The following LRP1B variants were observed in gnomAD, a reference collection of about 807,000 sequenced individuals.
LRP1B encodes LDL receptor related protein 1B.
A neutral mutation model predicts 556.6 loss-of-function variants in LRP1B; 217 were observed. That is an observed-to-expected ratio of 0.39 (90% CI 0.35 to 0.44). LRP1B has a LOEUF of 0.44. Among genes scored for constraint, LRP1B ranks in the 20% least tolerant of loss-of-function variants. The pLI is 1.00. For missense variants in LRP1B, 5,053 were observed against 5,620.8 expected (o/e 0.90, Z 3.23); for synonymous variants, 2,047 against 1,865.8 (o/e 1.10, Z -2.50).
At chr2:140,744,000 T>TAAAAAAAAA (rs1559090792) in intron 35 of LRP1B, among the ~76,000 whole-genome samples, 3 of 46,140 alleles carry the variant, frequency 6.5e-5, no homozygotes, top group Admixed American at 2.2e-4. Flanking sequence ...AAGTAAAAAG[T>TAAAAAAAAA]AAAATCCATA....
chr2:140,577,007 A>G (rs1207355166), intron 43 of LRP1B, among the ~76,000 whole-genome samples: 2 of 152,038 alleles, frequency 1.3e-5, no homozygotes, highest in African/African-American at 4.8e-5. Flanking sequence ...TTTGAATTCT[A>G]TCCCAGTGCA....
At chr2:141,070,830 C>A (rs1330115547) in intron 7 of LRP1B, among the ~76,000 whole-genome samples, 1 of 151,954 alleles carries the variant, frequency 6.6e-6, no homozygotes, top group African/African-American at 2.4e-5. Flanking sequence ...CTGAATAGAC[C>A]AATAACAGGC....
chr2:140,280,539 A>G (rs1553438534), intron 84 of LRP1B, among the ~76,000 whole-genome samples: 1 of 151,816 alleles, frequency 6.6e-6, no homozygotes, highest in Non-Finnish European at 1.5e-5. Context: ...TGCTGTGGAC[A>G]TGTATGTGCC....
rs971369579 is a variant in LRP1B at position 140,883,961 on chromosome 2, A to G, written c.4025T>C (p.Val1342Ala). 3 of 1,613,274 alleles carry G rather than the reference A, an allele frequency of 1.9e-6. No individual in the cohort carries two copies. In the Admixed American group the frequency reaches 5.0e-5, roughly 27 times the overall value. The change falls in exon 25 of 91, where the codon GTC becomes GCC. Residue 1342 changes from valine to alanine, a missense_variant. Physicochemically the swap from Val to Ala is moderately conservative, Grantham distance 64. Transcript: ENST00000389484. The part of the protein sequence containing the change: ...HGLATPEGLT[V>A]DWIAGNIYWI... ...GTATATGTTTCCTGCTATCCAGTCG[A>G]CTGTCAGGCCTTCTGGAGTAGCCAG...
intron 37 of LRP1B, among the ~76,000 whole-genome samples, chr2:140,713,058 T>C (rs1273365073): frequency 1.3e-5 from 2 of 152,082 alleles, no homozygotes; most frequent in Non-Finnish European, 2.9e-5. Context: ...TCGTACACTA[T>C]CGCAGCTTAT....
At chr2:141,204,196 T>C (rs890104318) in intron 6 of LRP1B, among the ~76,000 whole-genome samples, 4 of 152,190 alleles carry the variant, frequency 2.6e-5, no homozygotes, top group Non-Finnish European at 4.4e-5. Context: ...GGTCATAAAA[T>C]GGCACAAGTT....
intron 41 of LRP1B, among the ~76,000 whole-genome samples, chr2:140,629,374 A>C (rs557247977): frequency 6.6e-6 from 1 of 152,020 alleles, no homozygotes; most frequent in Non-Finnish European, 1.5e-5. Context: ...GGCATCATGT[A>C]GTTATTTATA....
chr2:141,074,727 G>T (rs1026879938), intron 7 of LRP1B, among the ~76,000 whole-genome samples: 29 of 151,360 alleles, frequency 1.9e-4, no homozygotes, highest in Admixed American at 9.2e-4. Context: ...CAGACTTGAA[G>T]TTAGGTTAAA....
chr2:140,309,206 A>G (rs964024401), intron 83 of LRP1B, among the ~76,000 whole-genome samples: 19 of 151,816 alleles, frequency 1.3e-4, no homozygotes, highest in Non-Finnish European at 2.7e-4. Context: ...AAAAGATTAT[A>G]CAGAACTATT....
chr2:141,284,055 A>G (rs963379711), intron 3 of LRP1B, among the ~76,000 whole-genome samples: 4 of 152,150 alleles, frequency 2.6e-5, no homozygotes, highest in African/African-American at 9.7e-5. Context: ...CCTTGTGGAG[A>G]ACACAAATGA....
At chr2:141,801,194 A>G (rs1423517024) in intron 2 of LRP1B, among the ~76,000 whole-genome samples, 7 of 152,284 alleles carry the variant, frequency 4.6e-5, no homozygotes, top group Middle Eastern at 3.4e-3. Flanking sequence ...GCATGTTTGG[A>G]CGTATGCATC....
At chr2:141,044,790 G>A (rs1163769450) in intron 11 of LRP1B, among the ~76,000 whole-genome samples, 17 of 148,562 alleles carry the variant, frequency 1.1e-4, no homozygotes, top group Non-Finnish European at 1.4e-4. Context: ...GAGAGGATGT[G>A]GAGAAATAGG....
intron 2 of LRP1B, among the ~76,000 whole-genome samples, chr2:141,736,827 C>T (rs1218052706): frequency 4.6e-5 from 7 of 152,074 alleles, no homozygotes; most frequent in Non-Finnish European, 1.0e-4. Flanking sequence ...CCAGTGACTT[C>T]AGGGGATATC....
At chr2:140,859,823 T>C (rs893673699) in intron 27 of LRP1B, among the ~76,000 whole-genome samples, 6 of 151,888 alleles carry the variant, frequency 4.0e-5, no homozygotes, top group African/African-American at 1.2e-4. Context: ...TGAAACCCCA[T>C]CTCTACTAAA....
In LRP1B at chr2:140,883,894, T is replaced by C. The variant is rs1247079409; in HGVS notation, c.4092A>G (p.Leu1364=). The C allele has an allele frequency of 5.6e-6, 9 of 1,613,842 alleles. No individual in the cohort carries two copies. Among genetic ancestry groups the C allele is most frequent in the African/African-American group, 1.3e-5 (1 of 74,902 alleles). The change falls in exon 25 of 91, where the codon CTA becomes CTG. Residue 1364 remains leucine (L), a synonymous_variant. Coordinates refer to ENST00000389484, the MANE Select transcript of LRP1B (RefSeq NM_018557.3). ...TTAGTGTAGTTCTTAGGGAGCCATC[T>C]AGTTTGGCCACTTCGATTTGGTCCA... The part of the protein sequence containing the change: ...SNLDQIEVAK[L]DGSLRTTLIA...
At chr2:141,236,974 C>T (rs1326130161) in intron 5 of LRP1B, among the ~76,000 whole-genome samples, 1 of 152,004 alleles carries the variant, frequency 6.6e-6, no homozygotes, top group East Asian at 1.9e-4. Context: ...GAAAGTAACC[C>T]AAAATTATGA....
chr2:141,569,802 C>T (rs1458158012), intron 2 of LRP1B, among the ~76,000 whole-genome samples: 1 of 151,030 alleles, frequency 6.6e-6, no homozygotes, highest in African/African-American at 2.4e-5. Context: ...ATAAATAATT[C>T]AGTCAAGGGC....
At chr2:140,471,341 G>T (rs953031256) in intron 60 of LRP1B, among the ~76,000 whole-genome samples, 7 of 152,034 alleles carry the variant, frequency 4.6e-5, no homozygotes, top group South Asian at 2.1e-4. Flanking sequence ...TAAAATTAAC[G>T]CATCTCCCAC....
At chr2:141,093,694 T>C (rs1292207377) in intron 7 of LRP1B, among the ~76,000 whole-genome samples, 3 of 151,922 alleles carry the variant, frequency 2.0e-5, no homozygotes, top group East Asian at 3.9e-4. Flanking sequence ...GTGAGTAAAA[T>C]AGATAAATCT....
Sources: gnomAD v4.1 joint callset for allele counts (sites outside exome capture counted in the v4.1 genomes callset) on GRCh38, gnomAD v4.1.1 for gene constraint, MANE v1.5 for transcripts, NCBI Gene and HGNC (gene_info 2026-07-23, HGNC 2026-07-21) for gene names.